GTF2E2: variants seen among roughly 807,000 people sequenced by gnomAD.
GTF2E2 encodes the protein general transcription factor IIE subunit 2.
In GTF2E2, 21 loss-of-function variants were observed where a neutral mutation model predicts 40.5. The ratio of observed to expected loss-of-function variants is 0.52; its 90% CI spans 0.37 to 0.75. The LOEUF is 0.75. GTF2E2 is among the 30% of genes least tolerant of loss of function. The probability of loss-of-function intolerance (pLI) is 0.00; values close to 1 mark genes in which losing one functional copy is unlikely to be tolerated. For synonymous variants in GTF2E2, 117 were observed against 121.6 expected (o/e 0.96, Z 0.25); for missense variants, 298 against 338.4 (o/e 0.88, Z 0.94).
intron 3 of GTF2E2, among the ~76,000 whole-genome samples, chr8:30,630,742 G>A (rs1019521939): frequency 1.3e-5 from 2 of 152,156 alleles, no homozygotes; most frequent in Non-Finnish European, 2.9e-5. Context: ...AAGCATTCGT[G>A]AATGGTAACT....
Position 30,578,793 on chromosome 8 carries a change from T to C in GTF2E2, c.*128A>G, listed in dbSNP as rs1042783135. On this transcript the variant is annotated 3_prime_UTR_variant, in exon 8 of 8. Coordinates refer to ENST00000355904, the MANE Select transcript of GTF2E2 (RefSeq NM_002095.6). ...TTGAGTTTGGTAATTTGCACTTGTTTTGTAAACTGAACTGCTCCTCTCCTC... is the reference window on the plus strand; with the variant it reads ...TTGAGTTTGGTAATTTGCACTTGTTCTGTAAACTGAACTGCTCCTCTCCTC... 4.7e-6 allele frequency: 3 copies of C among 639,468 alleles called. No individual in the cohort carries two copies. Among genetic ancestry groups the C allele is most frequent in the Non-Finnish European group, 5.7e-6 (2 of 350,262 alleles). 39.6% of individuals were successfully genotyped at this position (639,468 alleles called of 1,614,324 possible).
intron 6 of GTF2E2, among the ~76,000 whole-genome samples, chr8:30,586,309 T>C: frequency 6.6e-6 from 1 of 152,104 alleles, no homozygotes; most frequent in East Asian, 1.9e-4. Context: ...CACAGAAAAA[T>C]GCACCCCCAC....
At chr8:30,611,410 A>T (rs1387642042) in intron 5 of GTF2E2, among the ~76,000 whole-genome samples, 1 of 152,230 alleles carries the variant, frequency 6.6e-6, no homozygotes, top group Non-Finnish European at 1.5e-5. Context: ...ATTTTAAAGC[A>T]GCTATAAGAA....
intron 6 of GTF2E2, among the ~76,000 whole-genome samples, chr8:30,590,012 G>A (rs1828797486): frequency 6.6e-6 from 1 of 152,064 alleles, no homozygotes; most frequent in Non-Finnish European, 1.5e-5. Flanking sequence ...TACAATTCCT[G>A]AAGTTTTGAC....
intron 1 of GTF2E2, among the ~76,000 whole-genome samples, chr8:30,655,882 C>T (rs1215845808): frequency 6.6e-6 from 1 of 152,038 alleles, no homozygotes; most frequent in East Asian, 1.9e-4. Context: ...GCAATCTCGG[C>T]TCAATGCAAC....
intron 5 of GTF2E2, among the ~76,000 whole-genome samples, chr8:30,609,639 T>C (rs547151909): frequency 2.0e-5 from 3 of 152,066 alleles, no homozygotes; most frequent in Non-Finnish European, 4.4e-5. Flanking sequence ...GAAAAATCCA[T>C]CCAAAAATTT....
chr8:30,595,448 CCTTT>C (rs1364060952), intron 6 of GTF2E2, among the ~76,000 whole-genome samples: 2 of 152,224 alleles, frequency 1.3e-5, no homozygotes, highest in Admixed American at 1.3e-4. Context: ...TGAACAACTT[CCTTT>C]AATATTTCCA....
At chr8:30,646,218 T>C (rs1449885025) in intron 2 of GTF2E2, among the ~76,000 whole-genome samples, 2 of 152,194 alleles carry the variant, frequency 1.3e-5, no homozygotes, top group Non-Finnish European at 2.9e-5. Context: ...ATGCATGATA[T>C]AGGAAAGGCC....
chr8:30,590,271 T>C (rs1828806768), intron 6 of GTF2E2, among the ~76,000 whole-genome samples: 1 of 152,240 alleles, frequency 6.6e-6, no homozygotes, highest in Non-Finnish European at 1.5e-5. Context: ...CAGTCCTTTG[T>C]TCCTTTTCAT....
At position 30,612,302 on chromosome 8, in the gene GTF2E2, G is replaced by C. The variant is rs763656897; in HGVS notation, c.546C>G (p.Val182=). ...EEALPNSQKA[V]KALGDQILFV... ...ATAGAAAGAAAAGAGAGATTACCTT[G>C]ACAGCTTTCTGGGAATTGGGCAGTG... Residue 182 remains valine, a synonymous_variant, in exon 5 of 8, where the codon GTC becomes GTG. Coordinates refer to ENST00000355904, the MANE Select transcript of GTF2E2 (RefSeq NM_002095.6). 1 of 1,587,796 alleles carries C rather than the reference G, an allele frequency of 6.3e-7. No homozygotes were observed. The highest frequency in any genetic ancestry group is 1.7e-5 in the Admixed American group (1 of 59,172).
chr8:30,590,816 G>A (rs182863311), intron 6 of GTF2E2, among the ~76,000 whole-genome samples: 5 of 151,772 alleles, frequency 3.3e-5, no homozygotes, highest in African/African-American at 7.3e-5. Context: ...TCAGCCTCCC[G>A]AGTAGCTGGG....
intron 1 of GTF2E2, among the ~76,000 whole-genome samples, chr8:30,655,970 C>G (rs1045902247): frequency 3.3e-5 from 5 of 152,130 alleles, no homozygotes; most frequent in Non-Finnish European, 5.9e-5. Flanking sequence ...AGCACCACGC[C>G]CCGCCAATGT....
chr8:30,645,746 T>A, intron 2 of GTF2E2: 1 of 724,104 alleles, frequency 1.4e-6, no homozygotes, highest in Admixed American at 3.0e-5. Flanking sequence ...AAGTTAAACA[T>A]GCACTGTTTG....
At chr8:30,620,536 ATTTCT>A (rs532226174) in intron 3 of GTF2E2, among the ~76,000 whole-genome samples, 24 of 152,246 alleles carry the variant, frequency 1.6e-4, no homozygotes, top group Middle Eastern at 3.4e-3. Flanking sequence ...TATCTTTTTC[ATTTCT>A]TATTTTTGTG....
chr8:30,611,984 AG>A, intron 5 of GTF2E2, among the ~76,000 whole-genome samples: 1 of 152,338 alleles, frequency 6.6e-6, no homozygotes, highest in Admixed American at 6.5e-5. Context: ...GTATTATAGA[AG>A]ACACTCTTAT....
At chr8:30,637,737 G>C (rs754405054) in intron 2 of GTF2E2, among the ~76,000 whole-genome samples, 2 of 152,130 alleles carry the variant, frequency 1.3e-5, no homozygotes, top group Admixed American at 1.3e-4. Context: ...TGGCCAGGCT[G>C]GTCTTGAACT....
At chr8:30,604,466 A>G (rs567407313) in intron 6 of GTF2E2, among the ~76,000 whole-genome samples, 2 of 152,352 alleles carry the variant, frequency 1.3e-5, no homozygotes, top group South Asian at 4.1e-4. Flanking sequence ...TGTGTAAGAT[A>G]TGTAAAGACA....
intron 6 of GTF2E2, among the ~76,000 whole-genome samples, chr8:30,592,813 C>T (rs1346919534): frequency 6.6e-6 from 1 of 152,144 alleles, no homozygotes; most frequent in African/African-American, 2.4e-5. Context: ...CATGGAGGGC[C>T]AATGATACTT....
At chr8:30,639,824 A>C (rs917782960) in intron 2 of GTF2E2, among the ~76,000 whole-genome samples, 1 of 151,782 alleles carries the variant, frequency 6.6e-6, no homozygotes, top group Non-Finnish European at 1.5e-5. Flanking sequence ...AGCTAGCCTG[A>C]GCAAAGTATC....
Sources: gnomAD v4.1 joint callset for allele counts (sites outside exome capture counted in the v4.1 genomes callset) on GRCh38, gnomAD v4.1.1 for gene constraint, MANE v1.5 for transcripts, NCBI Gene and HGNC (gene_info 2026-07-23, HGNC 2026-07-21) for gene names.